Variants in SUGCT observed in about 807,000 individuals in gnomAD.
SUGCT encodes succinyl-CoA:glutarate-CoA transferase.
A neutral mutation model predicts 55.0 loss-of-function variants in SUGCT; 41 were observed. The ratio of observed to expected loss-of-function variants is 0.74; its 90% CI spans 0.58 to 0.97. The LOEUF (loss-of-function observed/expected upper bound fraction) is 0.97, where lower values mean the gene tolerates loss of function less well. SUGCT is among the 50% of genes least tolerant of loss of function. SUGCT has a pLI of 0.00. For missense variants in SUGCT, 568 were observed against 547.8 expected, an observed-to-expected ratio of 1.04 and a Z score of -0.37; for synonymous variants, 187 against 200.4, an observed-to-expected ratio of 0.93 and a Z score of 0.56.
chr7:40,363,719 A>T (rs968092254), intron 9 of SUGCT, among the ~76,000 whole-genome samples: 13 of 151,134 alleles, frequency 8.6e-5, no homozygotes, highest in African/African-American at 2.7e-4. Context: ...TGCTGAGGAG[A>T]GCTTTACTTC....
intron 13 of SUGCT, among the ~76,000 whole-genome samples, chr7:40,836,274 T>A (rs1792970457): frequency 2.6e-5 from 4 of 152,188 alleles, no homozygotes; most frequent in Non-Finnish European, 5.9e-5. Flanking sequence ...TTTGCTTTTG[T>A]TTTTGTTGTC....
At chr7:40,391,554 C>G (rs1785432405) in intron 9 of SUGCT, among the ~76,000 whole-genome samples, 1 of 151,858 alleles carries the variant, frequency 6.6e-6, no homozygotes. Flanking sequence ...CACTGGTCAT[C>G]AGAGAAATGC....
chr7:40,295,744 TTGTC>T (rs1441193157), intron 8 of SUGCT, among the ~76,000 whole-genome samples: 3 of 152,206 alleles, frequency 2.0e-5, no homozygotes, highest in Non-Finnish European at 4.4e-5. Flanking sequence ...AATGTAAACA[TTGTC>T]TGTATGAGAA....
At chr7:40,990,883 G>C in the SUGCT span, among the ~76,000 whole-genome samples, 2 of 152,288 alleles carry the variant, frequency 1.3e-5, no homozygotes, top group African/African-American at 2.4e-5. Flanking sequence ...AGTGAAGAGA[G>C]TTAGGGCCTT....
intron 6 of SUGCT, among the ~76,000 whole-genome samples, chr7:40,213,716 GGTATTT>G (rs1394206643): frequency 2.0e-5 from 3 of 152,038 alleles, no homozygotes; most frequent in African/African-American, 7.2e-5. Flanking sequence ...TGTTTATTCA[GGTATTT>G]GTTTATGTCA....
At chr7:41,012,026 C>T in the SUGCT span, among the ~76,000 whole-genome samples, 2 of 152,156 alleles carry the variant, frequency 1.3e-5, no homozygotes, top group Non-Finnish European at 1.5e-5. Context: ...TCGAGTGCAG[C>T]CCCAGCTAAA....
chr7:40,629,762 G>GTATGT (rs1445378130), intron 12 of SUGCT, among the ~76,000 whole-genome samples: 5 of 152,046 alleles, frequency 3.3e-5, no homozygotes, highest in African/African-American at 4.8e-5. Context: ...TGTTTTATCC[G>GTATGT]TATGTAAATT....
At chr7:40,296,935 A>C (rs369422216) in intron 8 of SUGCT, among the ~76,000 whole-genome samples, 2 of 152,146 alleles carry the variant, frequency 1.3e-5, no homozygotes, top group South Asian at 2.1e-4. Context: ...ATGACCCTCA[A>C]GCAAGTCATG....
At chr7:40,906,570 C>A in the SUGCT span, among the ~76,000 whole-genome samples, 2 of 151,922 alleles carry the variant, frequency 1.3e-5, no homozygotes, top group Admixed American at 6.6e-5. Context: ...CAAATAAAAA[C>A]AATAGAGTAT....
chr7:40,170,935 A>G (rs1234266391), intron 1 of SUGCT, among the ~76,000 whole-genome samples: 1 of 152,128 alleles, frequency 6.6e-6, no homozygotes, highest in East Asian at 1.9e-4. Flanking sequence ...AGCATACCCG[A>G]CATTGCCTTT....
chr7:40,248,259 T>C (rs1790047986), intron 7 of SUGCT, among the ~76,000 whole-genome samples: 2 of 152,094 alleles, frequency 1.3e-5, no homozygotes, highest in East Asian at 1.9e-4. Context: ...GATCTGCCCA[T>C]CTGAGCCTCC....
rs576559487 is a variant in SUGCT at position 40,460,250 on chromosome 7, G to A, written c.986+1052G>A. ...CATTTTATAATTTTAAACACTGCCTGTATCTTTTCCATGTGCCAAATGCTA... is the reference window on the plus strand; with the variant it reads ...CATTTTATAATTTTAAACACTGCCTATATCTTTTCCATGTGCCAAATGCTA... On this transcript the variant is annotated intron_variant, in intron 11 of 13. Transcript: ENST00000335693. Among the ~76,000 whole-genome samples, 3 of 152,252 alleles carry A rather than the reference G, an allele frequency of 2.0e-5. No homozygotes were observed. The South Asian group carries it at 6.2e-4, about 32-fold the overall frequency.
rs111336229 is a variant in SUGCT, at chr7:40,245,974, A to G, written c.576+8248A>G. Among the ~76,000 whole-genome samples the G allele has an allele frequency of 2.2e-3, 330 of 152,110 alleles. 1 individual carries two copies. Among genetic ancestry groups the G allele is most frequent in the African/African-American group, 7.2e-3 (299 of 41,486 alleles). On this transcript the variant is annotated intron_variant, in intron 7 of 13. Transcript: ENST00000335693. ...GTCAGCCTCCTGAATAGCTGGAACT[A>G]CAAGCACATGCCATCACGCTCAGCT...
intron 1 of SUGCT, among the ~76,000 whole-genome samples, chr7:40,140,153 C>T (rs1348739672): frequency 6.6e-6 from 1 of 152,128 alleles, no homozygotes; most frequent in Non-Finnish European, 1.5e-5. Flanking sequence ...ATCCGCCCGC[C>T]TAGGCCTCCC....
intron 12 of SUGCT, among the ~76,000 whole-genome samples, chr7:40,675,350 C>T (rs924647607): frequency 5.3e-5 from 8 of 152,166 alleles, no homozygotes; most frequent in Non-Finnish European, 7.4e-5. Flanking sequence ...TGAGTCACCA[C>T]GCCTGACCAA....
intron 1 of SUGCT, among the ~76,000 whole-genome samples, chr7:40,167,517 ATGGC>A (rs1292429818): frequency 6.6e-6 from 1 of 152,166 alleles, no homozygotes; most frequent in African/African-American, 2.4e-5. Context: ...TGCTCCCAAG[ATGGC>A]GGCAAGCCTT....
rs1441197241 is a variant in SUGCT, at chr7:40,439,062, GTGTATATATATATATATATATATATA to G, written c.817-10223_817-10198del. On this transcript the variant is annotated intron_variant, in intron 9 of 13. Transcript: ENST00000335693. ...TATATATATATATGGTATATATATG[GTGTATATATATATATATATATATATA>G]TATATATATATATATATATATATGG... Among the ~76,000 whole-genome samples the G allele has an allele frequency of 4.0e-4, 19 of 47,030 alleles. No homozygotes were observed. In the East Asian group the frequency reaches 9.1e-3, roughly 23 times the overall value. The allele number at this position is 47,030 out of a possible 152,430, so 30.9% of individuals were successfully genotyped here.
intron 7 of SUGCT, among the ~76,000 whole-genome samples, chr7:40,253,474 C>A (rs980125104): frequency 6.6e-6 from 1 of 152,210 alleles, no homozygotes; most frequent in Non-Finnish European, 1.5e-5. Flanking sequence ...TATGAAGGCA[C>A]GGACTGGCTG....
chr7:40,585,769 T>C (rs1477918972), intron 12 of SUGCT, among the ~76,000 whole-genome samples: 3 of 152,296 alleles, frequency 2.0e-5, no homozygotes, highest in South Asian at 2.1e-4. Flanking sequence ...GGTCCCGACC[T>C]CCCAGGTTCT....
Sources: gnomAD v4.1 joint callset for allele counts (sites outside exome capture counted in the v4.1 genomes callset) on GRCh38, gnomAD v4.1.1 for gene constraint, MANE v1.5 for transcripts, NCBI Gene and HGNC (gene_info 2026-07-23, HGNC 2026-07-21) for gene names.